The following CMTM4 variants were observed in gnomAD, a reference collection of about 807,000 sequenced individuals.
CMTM4 encodes the protein CKLF like MARVEL transmembrane domain containing 4, also known as CKLF-like MARVEL transmembrane domain-containing protein 4.
A neutral mutation model predicts 19.0 loss-of-function variants in CMTM4; 8 were observed. The ratio of observed to expected loss-of-function variants is 0.42; its 90% CI spans 0.25 to 0.76. CMTM4 has a LOEUF of 0.76. CMTM4 is among the 30% of genes least tolerant of loss of function. The pLI, the probability that CMTM4 is intolerant of heterozygous loss-of-function variation, is 0.27. For synonymous variants in CMTM4, 106 were observed against 121.1 expected (o/e 0.88, Z 0.82); for missense variants, 228 against 290.2 (o/e 0.79, Z 1.56).
chr16:66,630,284 C>T (rs2015824008), intron 2 of CMTM4, among the ~76,000 whole-genome samples: 1 of 133,984 alleles, frequency 7.5e-6, no homozygotes, highest in South Asian at 2.8e-4. Context: ...ACAAGACTTT[C>T]CCTCTCCCTC....
rs1050650392 is a variant in CMTM4 at position 66,637,946 on chromosome 16, C to T, written c.187-1365G>A. ...CCTTGAACTACAGAATCAGAATCTG[C>T]TTTCTGATGAGATCTTCAGATGATT... On this transcript the variant is annotated intron_variant, in intron 1 of 3. Coordinates refer to ENST00000394106, the MANE Select transcript of CMTM4 (RefSeq NM_181521.3). Among the ~76,000 whole-genome samples the T allele has an allele frequency of 5.9e-5, 9 of 152,224 alleles. No individual in the cohort carries two copies. The South Asian group carries it at 1.9e-3, about 32-fold the overall frequency.
chr16:66,643,387 T>C (rs1464854757), intron 1 of CMTM4, among the ~76,000 whole-genome samples: 2 of 152,204 alleles, frequency 1.3e-5, no homozygotes, highest in Non-Finnish European at 2.9e-5. Context: ...TCTGACATTA[T>C]GACAATGGAA....
At position 66,619,431 on chromosome 16, in the gene CMTM4, C is replaced by G; in HGVS notation, c.*2627G>C. The G allele has an allele frequency of 2.0e-6, 2 of 985,414 alleles. No homozygotes were observed. Among genetic ancestry groups the G allele is most frequent in the South Asian group, 9.4e-5 (2 of 21,290 alleles). 61.0% of individuals were successfully genotyped at this position (985,414 alleles called of 1,614,324 possible). A position where few individuals can be genotyped will look rare whatever the true frequency, so the allele number is the denominator to read the frequency against. Reference sequence around the variant, plus strand: ...AATGTGAAAACCAATATCGTCCCACCAGAACACTGAGAAAAACTAAGGTCG... The same window carrying G: ...AATGTGAAAACCAATATCGTCCCACGAGAACACTGAGAAAAACTAAGGTCG... On this transcript the variant is annotated 3_prime_UTR_variant, in exon 4 of 4. Transcript: ENST00000394106.
intron 1 of CMTM4, among the ~76,000 whole-genome samples, chr16:66,651,213 G>A (rs1185675477): frequency 2.6e-5 from 4 of 152,136 alleles, no homozygotes; most frequent in Non-Finnish European, 5.9e-5. Context: ...GGCTCCTGGA[G>A]CCGGAACTAC....
intron 1 of CMTM4, among the ~76,000 whole-genome samples, chr16:66,637,560 AT>A (rs1567410629): frequency 6.6e-6 from 1 of 152,104 alleles, no homozygotes; most frequent in African/African-American, 2.4e-5. Flanking sequence ...AAAAGAATAA[AT>A]TTTTTTCTGA....
intron 1 of CMTM4, among the ~76,000 whole-genome samples, chr16:66,671,217 G>A (rs927156120): frequency 2.0e-5 from 3 of 152,138 alleles, no homozygotes; most frequent in Admixed American, 6.6e-5. Flanking sequence ...CCAGATGTGC[G>A]GCTGGAGAAT....
intron 1 of CMTM4, among the ~76,000 whole-genome samples, chr16:66,671,865 TA>T (rs397959180): frequency 1.2e-4 from 18 of 147,446 alleles, no homozygotes; most frequent in African/African-American, 2.2e-4. Flanking sequence ...AAAAAATATT[TA>T]AAAAAAAAAA....
At chr16:66,637,999 G>A (rs978508533) in intron 1 of CMTM4, among the ~76,000 whole-genome samples, 2 of 152,172 alleles carry the variant, frequency 1.3e-5, no homozygotes, top group African/African-American at 4.8e-5. Context: ...CAAGGCACGG[G>A]CTGTTCTGGG....
the CMTM4 span, chr16:66,604,482 G>A: frequency 8.9e-6 from 2 of 223,866 alleles, no homozygotes; most frequent in Non-Finnish European, 1.7e-5. Flanking sequence ...GGGGCAGACG[G>A]GTGGGAGCTC....
chr16:66,689,732 G>A (rs1481266404), intron 1 of CMTM4, among the ~76,000 whole-genome samples: 1 of 152,092 alleles, frequency 6.6e-6, no homozygotes, highest in African/African-American at 2.4e-5. Flanking sequence ...TTAATATGGT[G>A]TACACCTATA....
chr16:66,646,616 G>A (rs2016206475), intron 1 of CMTM4, among the ~76,000 whole-genome samples: 1 of 151,696 alleles, frequency 6.6e-6, no homozygotes, highest in African/African-American at 2.4e-5. Flanking sequence ...AATGCCCTAT[G>A]TATGGACACT....
intron 1 of CMTM4, among the ~76,000 whole-genome samples, chr16:66,694,367 C>T (rs151030304): frequency 0.011 from 1,646 of 152,236 alleles, 13 homozygotes; most frequent in Non-Finnish European, 0.016. Context: ...ATTATCTGTA[C>T]GGGCTGCTGG....
At chr16:66,690,767 G>A (rs1050514253) in intron 1 of CMTM4, among the ~76,000 whole-genome samples, 3 of 152,104 alleles carry the variant, frequency 2.0e-5, no homozygotes, top group African/African-American at 4.8e-5. Flanking sequence ...ACCCAGATTC[G>A]ATGAGATTAA....
the CMTM4 span, among the ~76,000 whole-genome samples, chr16:66,606,183 C>T: frequency 6.6e-6 from 1 of 152,156 alleles, no homozygotes; most frequent in African/African-American, 2.4e-5. Flanking sequence ...CCGCTGAGGG[C>T]ACTCCTGCCT....
At position 66,621,696 on chromosome 16, in the gene CMTM4, T is replaced by C. The variant is rs964794047; in HGVS notation, c.*362A>G. The C allele has an allele frequency of 5.6e-6, 6 of 1,068,202 alleles. No homozygotes were observed. The highest frequency in any genetic ancestry group is 5.7e-6 in the Non-Finnish European group (5 of 877,524). 66.2% of individuals were successfully genotyped at this position (1,068,202 alleles called of 1,614,324 possible). On this transcript the variant is annotated 3_prime_UTR_variant, in exon 4 of 4. Coordinates refer to ENST00000394106, the MANE Select transcript of CMTM4 (RefSeq NM_181521.3). ...CGACTGACCGTTCCAATGCTGTCCCTTCATTCCTTCATATTTCCCCCCTCT... is the reference window on the plus strand; with the variant it reads ...CGACTGACCGTTCCAATGCTGTCCCCTCATTCCTTCATATTTCCCCCCTCT...
chr16:66,633,124 TATATATAA>T (rs1277911854), intron 2 of CMTM4, among the ~76,000 whole-genome samples: 18 of 133,846 alleles, frequency 1.3e-4, no homozygotes, highest in Admixed American at 3.0e-4. Flanking sequence ...TATAAATATA[TATATATAA>T]ATATATATAT....
At chr16:66,630,600 G>A (rs1315828749) in intron 2 of CMTM4, among the ~76,000 whole-genome samples, 3 of 151,618 alleles carry the variant, frequency 2.0e-5, no homozygotes, top group Non-Finnish European at 4.4e-5. Flanking sequence ...TCGGCCTCCC[G>A]AGGTGCCGGG....
At chr16:66,668,614 C>T (rs1165625245) in intron 1 of CMTM4, among the ~76,000 whole-genome samples, 1 of 151,964 alleles carries the variant, frequency 6.6e-6, no homozygotes, top group Non-Finnish European at 1.5e-5. Context: ...AATTGTTGAA[C>T]TTGGAAATCT....
intron 1 of CMTM4, among the ~76,000 whole-genome samples, chr16:66,687,682 ATTTT>A (rs1176777153): frequency 9.6e-5 from 9 of 93,292 alleles, no homozygotes; most frequent in Non-Finnish European, 1.4e-4. Context: ...AAAAAGGGTA[ATTTT>A]TTTTTTTTTT....
Sources: allele counts gnomAD v4.1 joint callset (sites outside exome capture counted in the v4.1 genomes callset), GRCh38; gene constraint gnomAD v4.1.1; transcripts MANE v1.5; gene names NCBI Gene and HGNC (gene_info 2026-07-23, HGNC 2026-07-21).